ERBB4: variants seen among roughly 807,000 people sequenced by gnomAD.
ERBB4 encodes the protein erb-b2 receptor tyrosine kinase 4.
A neutral mutation model predicts 158.0 loss-of-function variants in ERBB4; 42 were observed. The ratio of observed to expected loss-of-function variants is 0.27; its 90% CI spans 0.21 to 0.34. The LOEUF (loss-of-function observed/expected upper bound fraction) is 0.34. Ranked by LOEUF, ERBB4 falls within the 10% of genes least tolerant of loss-of-function variation. The pLI is 1.00. For missense variants in ERBB4, 1,333 were observed against 1,624.1 expected, an observed-to-expected ratio of 0.82 and a Z score of 3.08; for synonymous variants, 583 against 558.7, an observed-to-expected ratio of 1.04 and a Z score of -0.61.
chr2:212,182,709 G>A (rs1440297537), intron 1 of ERBB4, among the ~76,000 whole-genome samples: 1 of 151,774 alleles, frequency 6.6e-6, no homozygotes, highest in African/African-American at 2.4e-5. Flanking sequence ...AAACATAGGT[G>A]GGAGTTTTCA....
intron 2 of ERBB4, among the ~76,000 whole-genome samples, chr2:212,012,880 G>A (rs1179914208): frequency 6.6e-6 from 1 of 151,888 alleles, no homozygotes; most frequent in African/African-American, 2.4e-5. Context: ...CAGTAGCTGG[G>A]ACCACAGATG....
intron 4 of ERBB4, among the ~76,000 whole-genome samples, chr2:211,772,858 T>C (rs1021377031): frequency 7.9e-5 from 6 of 75,766 alleles, no homozygotes; most frequent in African/African-American, 3.8e-4. Context: ...TATATATATA[T>C]ATATATATAT....
At chr2:212,191,847 T>A (rs909703233) in intron 1 of ERBB4, among the ~76,000 whole-genome samples, 1 of 136,838 alleles carries the variant, frequency 7.3e-6, no homozygotes, top group Admixed American at 7.9e-5. Flanking sequence ...ATAATACATG[T>A]TATATATGTT....
At chr2:211,488,887 C>A (rs1361622606) in intron 20 of ERBB4, among the ~76,000 whole-genome samples, 2 of 151,984 alleles carry the variant, frequency 1.3e-5, no homozygotes, top group Non-Finnish European at 2.9e-5. Context: ...CATTCCATTC[C>A]AACTTATTTA....
intron 16 of ERBB4, among the ~76,000 whole-genome samples, chr2:211,650,137 G>A (rs778262396): frequency 1.3e-5 from 2 of 151,702 alleles, no homozygotes; most frequent in South Asian, 4.2e-4. Context: ...TATGAAAAAA[G>A]GTACTTACTT....
chr2:212,478,916 G>T (rs965334997), intron 1 of ERBB4, among the ~76,000 whole-genome samples: 2 of 152,108 alleles, frequency 1.3e-5, no homozygotes, highest in African/African-American at 4.8e-5. Flanking sequence ...CTTCAGCTCT[G>T]GCTTTGGGTT....
At chr2:212,167,598 C>G (rs1225310565) in intron 1 of ERBB4, among the ~76,000 whole-genome samples, 1 of 151,956 alleles carries the variant, frequency 6.6e-6, no homozygotes, top group Non-Finnish European at 1.5e-5. Flanking sequence ...GAGTATATAC[C>G]CAAAGGATTA....
intron 4 of ERBB4, among the ~76,000 whole-genome samples, chr2:211,767,827 G>C (rs1377475218): frequency 6.6e-6 from 1 of 152,086 alleles, no homozygotes; most frequent in East Asian, 1.9e-4. Flanking sequence ...TTTGGGTGAG[G>C]ACACAGCCAA....
At chr2:211,903,705 T>C (rs2125038673) in intron 3 of ERBB4, among the ~76,000 whole-genome samples, 1 of 152,080 alleles carries the variant, frequency 6.6e-6, no homozygotes, top group East Asian at 1.9e-4. Context: ...ATTTAACTTG[T>C]TGCCTAAACA....
intron 12 of ERBB4, among the ~76,000 whole-genome samples, chr2:211,695,375 T>A (rs1226807862): frequency 6.6e-6 from 1 of 152,184 alleles, no homozygotes; most frequent in African/African-American, 2.4e-5. Flanking sequence ...AAAATGTGTA[T>A]CCTTTTTGGC....
At chr2:212,057,764 G>A (rs966020156) in intron 2 of ERBB4, among the ~76,000 whole-genome samples, 1 of 152,102 alleles carries the variant, frequency 6.6e-6, no homozygotes, top group Non-Finnish European at 1.5e-5. Context: ...CAGAATCTCT[G>A]GGACACATTC....
At chr2:211,534,081 C>A (rs992721448) in intron 20 of ERBB4, among the ~76,000 whole-genome samples, 5 of 152,024 alleles carry the variant, frequency 3.3e-5, no homozygotes, top group Non-Finnish European at 5.9e-5. Context: ...TTCTTATCTG[C>A]CCTTAGCAAA....
chr2:211,613,872 A>G (rs1256419722), intron 19 of ERBB4, among the ~76,000 whole-genome samples: 1 of 152,090 alleles, frequency 6.6e-6, no homozygotes, highest in South Asian at 2.1e-4. Context: ...GTTCCTCAAA[A>G]AACTAAAAAT....
chr2:211,875,025 C>CAAAAAAAAGA (rs2078456290), intron 3 of ERBB4, among the ~76,000 whole-genome samples: 1 of 27,032 alleles, frequency 3.7e-5, no homozygotes, highest in Non-Finnish European at 6.5e-5. Flanking sequence ...AATAGAAATG[C>CAAAAAAAAGA]AAAAAAAAAA....
At chr2:211,817,495 T>C (rs528241514) in intron 3 of ERBB4, among the ~76,000 whole-genome samples, 1 of 152,232 alleles carries the variant, frequency 6.6e-6, no homozygotes, top group Non-Finnish European at 1.5e-5. Flanking sequence ...TAGATGGTTT[T>C]ATTTTCCAGG....
rs374461970 is a variant in ERBB4, at chr2:211,882,909, C to A, written c.421+64521G>T. Reference sequence around the variant, plus strand: ...TATCTCCTTGTATCTGTGTTGGGTTCTAATATCTACTGATCAGACACTTTC... The same window carrying A: ...TATCTCCTTGTATCTGTGTTGGGTTATAATATCTACTGATCAGACACTTTC... On this transcript the variant is annotated intron_variant, in intron 3 of 27. Coordinates refer to ENST00000342788, the MANE Select transcript of ERBB4 (RefSeq NM_005235.3). Among the ~76,000 whole-genome samples the A allele has an allele frequency of 3.9e-5, 6 of 152,214 alleles. No individual in the cohort carries two copies. The East Asian group carries it at 5.8e-4, about 15-fold the overall frequency.
intron 20 of ERBB4, among the ~76,000 whole-genome samples, chr2:211,526,835 C>G (rs1415949963): frequency 6.6e-6 from 1 of 151,870 alleles, no homozygotes; most frequent in Non-Finnish European, 1.5e-5. Flanking sequence ...AATAGCAGAA[C>G]TAATCAAGCA....
intron 2 of ERBB4, among the ~76,000 whole-genome samples, chr2:211,992,856 T>C (rs1342008663): frequency 6.6e-6 from 1 of 152,196 alleles, no homozygotes; most frequent in African/African-American, 2.4e-5. Flanking sequence ...GACATAGTTG[T>C]TTGGCTTTAT....
At chr2:211,551,472 TTATAAAA>T (rs1411792036) in intron 20 of ERBB4, among the ~76,000 whole-genome samples, 1 of 152,192 alleles carries the variant, frequency 6.6e-6, no homozygotes, top group Non-Finnish European at 1.5e-5. Flanking sequence ...TATCGTGCCT[TTATAAAA>T]TATAAAAATT....
Sources: allele counts gnomAD v4.1 joint callset (sites outside exome capture counted in the v4.1 genomes callset), GRCh38; gene constraint gnomAD v4.1.1; transcripts MANE v1.5; gene names NCBI Gene and HGNC (gene_info 2026-07-23, HGNC 2026-07-21).